Variants in TP53I3 observed in about 807,000 individuals in gnomAD.
TP53I3 encodes quinone oxidoreductase PIG3.
Under a neutral mutation model 27.7 loss-of-function variants are expected in TP53I3, and 32 were observed. The observed-to-expected ratio is 1.16, with a 90% CI of 0.87 to 1.55. TP53I3 has a LOEUF of 1.55. Ranked by LOEUF, TP53I3 falls within the 40% of genes most tolerant of loss-of-function variation. The pLI, the probability that TP53I3 is intolerant of heterozygous loss-of-function variation, is 0.00. For synonymous variants in TP53I3, 138 were observed against 167.8 expected (o/e 0.82, Z 1.37); for missense variants, 372 against 412.3 (o/e 0.90, Z 0.85).
At position 24,080,884 on chromosome 2, in the gene TP53I3, C is replaced by T. The variant is rs1664970707; in HGVS notation, c.554G>A (p.Gly185Glu). 2.5e-6 allele frequency: 4 copies of T among 1,614,192 alleles called. No homozygotes were observed. The highest frequency in any genetic ancestry group is 3.4e-6 in the Non-Finnish European group (4 of 1,180,048). Reference sequence around the variant, plus strand: ...TTTGTAATTGAATCCAGCAGCTGCTCCAAGCTTTTCTGCCATTTGAAGCTT... The same window carrying T: ...TTTGTAATTGAATCCAGCAGCTGCTTCAAGCTTTTCTGCCATTTGAAGCTT... ...QKKLQMAEKL[G>E]AAAGFNYKKE... The change falls in exon 3 of 5, where the codon GGA becomes GAA. Residue 185 changes from glycine to glutamate, a missense_variant. By Grantham distance (98) the Gly-to-Glu change is moderately conservative. Transcript: ENST00000238721. The surrounding 1 kb of genome is among the most constrained non-coding windows in gnomAD (Gnocchi z 4.7).
In TP53I3 at chr2:24,084,380, GCAGGACAGGA is replaced by G. The variant is rs201306834; in HGVS notation, c.-64_-55del. 3.5e-6 allele frequency: 4 copies of G among 1,158,270 alleles called. No individual in the cohort carries two copies. The highest frequency in any genetic ancestry group is 4.8e-6 in the Non-Finnish European group (4 of 831,696). 71.7% of individuals were successfully genotyped at this position (1,158,270 alleles called of 1,614,324 possible). On this transcript the variant is annotated 5_prime_UTR_variant, in exon 1 of 5. Transcript: ENST00000238721. This position sits in a 1 kb window ranked among gnomAD's most constrained non-coding sequence, Gnocchi z 8.4. ...GCAGGACAGGACAGGGCAGGGCAGG[GCAGGACAGGA>G]CAGGGCAGGGCAGGACAGGACAGGG...
rs1301467449 is a variant in TP53I3 at position 24,082,870 on chromosome 2, T to A, written c.406+15A>T. The A allele has an allele frequency of 6.3e-7, 1 of 1,593,956 alleles. No homozygotes were observed. Among genetic ancestry groups the A allele is most frequent in the African/African-American group, 1.3e-5 (1 of 74,576 alleles). On this transcript the variant is annotated intron_variant, in intron 2 of 4. Coordinates refer to ENST00000238721, the MANE Select transcript of TP53I3 (RefSeq NM_004881.5). The stretch of plus-strand genomic sequence containing the variant: ...TGAGCCACATTGTGTGGAGTGAGCA[T>A]GGAGGCCTCCTCACCCACAAGATGT...
In TP53I3 at chr2:24,084,133, G is replaced by A; in HGVS notation, c.138+56C>T. 6.4e-7 allele frequency: 1 copy of A among 1,564,896 alleles called. No homozygotes were observed. Among genetic ancestry groups the A allele is most frequent in the Non-Finnish European group, 8.6e-7 (1 of 1,160,038 alleles). ...GTCTGGTCAATGTCCACTGAGTGCT[G>A]TTGAGAGGGAGGCTCTGGAGTCCCG... is the stretch of plus-strand genomic sequence containing the variant. On this transcript the variant is annotated intron_variant, in intron 1 of 4. Coordinates refer to ENST00000238721, the MANE Select transcript of TP53I3 (RefSeq NM_004881.5). This position sits in a 1 kb window ranked among gnomAD's most constrained non-coding sequence, Gnocchi z 8.4.
In TP53I3 at chr2:24,084,401, C is replaced by T; in HGVS notation, c.-75G>A. 1 of 1,449,276 alleles carries T rather than the reference C, an allele frequency of 6.9e-7. No individual in the cohort carries two copies. Among genetic ancestry groups the T allele is most frequent in the East Asian group, 2.5e-5 (1 of 39,502 alleles). The allele number at this position is 1,449,276 out of a possible 1,614,324, so 89.8% of individuals were successfully genotyped here. On this transcript the variant is annotated 5_prime_UTR_variant, in exon 1 of 5. Transcript: ENST00000238721. The surrounding 1 kb of genome is among the most constrained non-coding windows in gnomAD (Gnocchi z 8.4). ...CAGGGCAGGACAGGACAGGGCAGGGCAGGACAGGACAGGGCAGGGGCCGCT... is the reference window on the plus strand; with the variant it reads ...CAGGGCAGGACAGGACAGGGCAGGGTAGGACAGGACAGGGCAGGGGCCGCT...
In TP53I3 at chr2:24,084,394, G is replaced by GGCAGGGCAGGACAGGACAGT; in HGVS notation, c.-69_-68insACTGTCCTGTCCTGCCCTGC. On this transcript the variant is annotated 5_prime_UTR_variant, in exon 1 of 5. Coordinates refer to ENST00000238721, the MANE Select transcript of TP53I3 (RefSeq NM_004881.5). The surrounding 1 kb of genome is among the most constrained non-coding windows in gnomAD (Gnocchi z 8.4). ...GGCAGGGCAGGGCAGGACAGGACAG[G>GGCAGGGCAGGACAGGACAGT]GCAGGGCAGGACAGGACAGGGCAGG... 6.6e-7 allele frequency: 1 copy of GGCAGGGCAGGACAGGACAGT among 1,514,330 alleles called. No individual in the cohort carries two copies. Among genetic ancestry groups the GGCAGGGCAGGACAGGACAGT allele is most frequent in the Non-Finnish European group, 8.9e-7 (1 of 1,124,446 alleles). 93.8% of individuals were successfully genotyped at this position (1,514,330 alleles called of 1,614,324 possible). A position where few individuals can be genotyped will look rare whatever the true frequency, so the allele number is the denominator to read the frequency against.
At position 24,081,000 on chromosome 2, in the gene TP53I3, G is replaced by A; in HGVS notation, c.438C>T (p.Ile146=). The change falls in exon 3 of 5, where the codon ATC becomes ATT. Residue 146 remains isoleucine, a synonymous_variant. Transcript: ENST00000238721. This position sits in a 1 kb window ranked among gnomAD's most constrained non-coding sequence, Gnocchi z 4.7. ...TGCCCACACCACTCAGTCCTGCATGGATTAGCACATAGTCTCCAGCCTGAA... is the reference window on the plus strand; with the variant it reads ...TGCCCACACCACTCAGTCCTGCATGAATTAGCACATAGTCTCCAGCCTGAA... ...GNVQAGDYVL[I]HAGLSGVGTA... 1 of 1,614,084 alleles carries A rather than the reference G, an allele frequency of 6.2e-7. No homozygotes were observed. Among genetic ancestry groups the A allele is most frequent in the Non-Finnish European group, 8.5e-7 (1 of 1,179,990 alleles).
chr2:24,077,586 G>C lies in TP53I3; in HGVS notation c.992C>G (p.Pro331Arg). 1 of 1,613,624 alleles carries C rather than the reference G, an allele frequency of 6.2e-7. No homozygotes were observed. The change falls in exon 5 of 5, where the codon CCC becomes CGC. Residue 331 changes from proline (P) to arginine (R), a missense_variant. Transcript: ENST00000238721. The surrounding 1 kb of genome is among the most constrained non-coding windows in gnomAD (Gnocchi z 5.5). ...GTCCTGCCCCATCCTCCTTCACTGG[G>C]GCAGTTCCAGGACGATCTTGCCTAT... ...KNIGKIVLEL[P>R]Q
At position 24,084,670 on chromosome 2, in the gene TP53I3, C is replaced by A. The variant is rs1488149068; in HGVS notation, c.-344G>T. The A allele has an allele frequency of 4.7e-6, 1 of 213,484 alleles. No individual in the cohort carries two copies. Among genetic ancestry groups the A allele is most frequent in the Non-Finnish European group, 9.2e-6 (1 of 108,304 alleles). The allele number at this position is 213,484 out of a possible 1,614,324, so 13.2% of individuals were successfully genotyped here. A position where few individuals can be genotyped will look rare whatever the true frequency, so the allele number is the denominator to read the frequency against. Reference sequence around the variant, plus strand: ...CGAAGAGGATCAGGCAAATCACACTCCCTCTGAGTTGGAAGCCCCCAGCCC... The same window carrying A: ...CGAAGAGGATCAGGCAAATCACACTACCTCTGAGTTGGAAGCCCCCAGCCC... On this transcript the variant is annotated 5_prime_UTR_variant, in exon 1 of 5. Coordinates refer to ENST00000238721, the MANE Select transcript of TP53I3 (RefSeq NM_004881.5). This position sits in a 1 kb window ranked among gnomAD's most constrained non-coding sequence, Gnocchi z 8.4.
chr2:24,082,753 G>A lies in TP53I3; in HGVS notation c.406+132C>T, dbSNP rs1665061384. The A allele has an allele frequency of 3.1e-6, 4 of 1,271,536 alleles. No individual in the cohort carries two copies. In the South Asian group the frequency reaches 4.7e-5, roughly 15 times the overall value. The allele number at this position is 1,271,536 out of a possible 1,614,324, so 78.8% of individuals were successfully genotyped here. A position where few individuals can be genotyped will look rare whatever the true frequency, so the allele number is the denominator to read the frequency against. ...CTCAACATTAAACCCTTCTAACATG[G>A]TTTGAGGACCTGACAATACAGGTGA... On this transcript the variant is annotated intron_variant, in intron 2 of 4. Coordinates refer to ENST00000238721, the MANE Select transcript of TP53I3 (RefSeq NM_004881.5).
At position 24,081,014 on chromosome 2, in the gene TP53I3, C is replaced by T; in HGVS notation, c.424G>A (p.Asp142Asn). 1.2e-6 allele frequency: 2 copies of T among 1,613,502 alleles called. No homozygotes were observed. Among genetic ancestry groups the T allele is most frequent in the Non-Finnish European group, 1.7e-6 (2 of 1,179,596 alleles). Residue 142 changes from aspartate to asparagine, a missense_variant, in exon 3 of 5, where the codon GAC (aspartate) becomes AAC (asparagine). Asp to Asn is a conservative substitution (Grantham distance 23). Transcript: ENST00000238721. ...LHLVGNVQAG[D>N]YVLIHAGLSG... The stretch of plus-strand genomic sequence containing the variant: ...AGTCCTGCATGGATTAGCACATAGT[C>T]TCCAGCCTGAACATTTCCTGTGACA...
Position 24,079,577 on chromosome 2 carries a change from C to A in TP53I3, c.683G>T (p.Cys228Phe), listed in dbSNP as rs1664910516. 6.2e-7 allele frequency: 1 copy of A among 1,614,058 alleles called. No individual in the cohort carries two copies. The highest frequency in any genetic ancestry group is 1.1e-5 in the South Asian group (1 of 91,088). Reference protein sequence around the residue: ...GGSYWEKNVNCLALDGRWVLY... With the variant: ...GGSYWEKNVNFLALDGRWVLY... ...AACCCATCGACCATCAAGAGCCAGGCAGTTGACGTTCTTCTCCCAGTAGGA... is the reference window on the plus strand; with the variant it reads ...AACCCATCGACCATCAAGAGCCAGGAAGTTGACGTTCTTCTCCCAGTAGGA... Residue 228 changes from cysteine (C) to phenylalanine (F), a missense_variant, in exon 4 of 5, where the codon TGC becomes TTC. By Grantham distance (205) the Cys-to-Phe change is radical. Transcript: ENST00000238721.
rs755835447 is a variant in TP53I3 at position 24,084,340 on chromosome 2, A to ACAGGG, written c.-19_-15dup. ...CACGGCTAACATATTGTCTGAGGAC[A>ACAGGG]CAGGGCAGGGCAGGGCAGGACAGGA... On this transcript the variant is annotated 5_prime_UTR_variant, in exon 1 of 5. Transcript: ENST00000238721. This position sits in a 1 kb window ranked among gnomAD's most constrained non-coding sequence, Gnocchi z 8.4. The ACAGGG allele has an allele frequency of 8.9e-5, 132 of 1,476,426 alleles. No homozygotes were observed. The African/African-American group carries it at 1.4e-3, about 15-fold the overall frequency. 91.5% of individuals were successfully genotyped at this position (1,476,426 alleles called of 1,614,324 possible). A position where few individuals can be genotyped will look rare whatever the true frequency, so the allele number is the denominator to read the frequency against.
At position 24,079,593 on chromosome 2, in the gene TP53I3, C is replaced by T. The variant is rs35176319; in HGVS notation, c.667G>A (p.Glu223Lys). 3.8e-4 allele frequency: 620 copies of T among 1,614,136 alleles called. 3 individuals are homozygous for T. In the African/African-American group the frequency reaches 6.7e-3, roughly 18 times the overall value. ...AGAGCCAGGCAGTTGACGTTCTTCTCCCAGTAGGATCCGCCTATGCAGTCT... is the reference window on the plus strand; with the variant it reads ...AGAGCCAGGCAGTTGACGTTCTTCTTCCAGTAGGATCCGCCTATGCAGTCT... The part of the protein sequence containing the change: ...ILDCIGGSYW[E>K]KNVNCLALDG... The change falls in exon 4 of 5, where the codon GAG (glutamate) becomes AAG (lysine). Residue 223 changes from glutamate (E) to lysine (K), a missense_variant. Transcript: ENST00000238721.
intron 2 of TP53I3, 46 bp downstream of exon 2, chr2:24,082,836 TGAA>T (rs891206067): frequency 6.5e-7 from 1 of 1,539,212 alleles, no homozygotes; most frequent in Non-Finnish European, 8.8e-7. Flanking sequence ...GGCTGATTTA[TGAA>T]GGTGTTGAGC....
chr2:24,080,611 C>A lies in TP53I3; in HGVS notation c.619+208G>T, dbSNP rs1414662715. 1 of 624,980 alleles carries A rather than the reference C, an allele frequency of 1.6e-6. No homozygotes were observed. The highest frequency in any genetic ancestry group is 1.8e-5 in the African/African-American group (1 of 54,362). The allele number at this position is 624,980 out of a possible 1,614,324, so 38.7% of individuals were successfully genotyped here. A position where few individuals can be genotyped will look rare whatever the true frequency, so the allele number is the denominator to read the frequency against. ...AAGTGTGGATGAATCTTATCTCTTGCAAGAATGCACATGGAAACCATCTTA... is the reference window on the plus strand; with the variant it reads ...AAGTGTGGATGAATCTTATCTCTTGAAAGAATGCACATGGAAACCATCTTA... On this transcript the variant is annotated intron_variant, in intron 3 of 4. Coordinates refer to ENST00000238721, the MANE Select transcript of TP53I3 (RefSeq NM_004881.5). This position sits in a 1 kb window ranked among gnomAD's most constrained non-coding sequence, Gnocchi z 4.7.
chr2:24,080,795 T>C lies in TP53I3; in HGVS notation c.619+24A>G, dbSNP rs765163231. 1.2e-6 allele frequency: 2 copies of C among 1,613,314 alleles called. No homozygotes were observed. Among genetic ancestry groups the C allele is most frequent in the South Asian group, 1.1e-5 (1 of 91,056 alleles). On this transcript the variant is annotated intron_variant, in intron 3 of 4. Transcript: ENST00000238721. This position sits in a 1 kb window ranked among gnomAD's most constrained non-coding sequence, Gnocchi z 4.7. ...ATTTAATCATCTCTTAAATTCCTGC[T>C]GAACTGTAGAAGCAGTTGTTTACCT... is the stretch of plus-strand genomic sequence containing the variant.
At position 24,084,445 on chromosome 2, in the gene TP53I3, C is replaced by G. The variant is rs1462716089; in HGVS notation, c.-119G>C. On this transcript the variant is annotated 5_prime_UTR_variant, in exon 1 of 5. Transcript: ENST00000238721. This position sits in a 1 kb window ranked among gnomAD's most constrained non-coding sequence, Gnocchi z 8.4. ...GGCCGCTGTATCCTCGCGGAGCAGC[C>G]CAGCCTCAGGCTGGCACCGCAGCGC... 1 of 1,303,748 alleles carries G rather than the reference C, an allele frequency of 7.7e-7. No individual in the cohort carries two copies. Among genetic ancestry groups the G allele is most frequent in the Admixed American group, 3.1e-5 (1 of 32,748 alleles). The allele number at this position is 1,303,748 out of a possible 1,614,324, so 80.8% of individuals were successfully genotyped here.
In TP53I3 at chr2:24,079,473, T is replaced by C; in HGVS notation, c.787A>G (p.Thr263Ala). The change falls in exon 4 of 5, where the codon ACC becomes GCC. Residue 263 changes from threonine to alanine, a missense_variant. Coordinates refer to ENST00000238721, the MANE Select transcript of TP53I3 (RefSeq NM_004881.5). ...TTGTCCCTAGACCTCAGCAAACTGG[T>C]GATCAGACTTCCTCGCTTAAAAAGT... ...KLLFKRGSLI[T>A]SLLRSRDNKY... is the part of the protein sequence containing the mutation. 1.9e-6 allele frequency: 3 copies of C among 1,614,220 alleles called. No homozygotes were observed. Among genetic ancestry groups the C allele is most frequent in the Non-Finnish European group, 2.5e-6 (3 of 1,180,042 alleles).
In TP53I3 at chr2:24,080,064, T is replaced by TA. The variant is rs1400472048; in HGVS notation, c.620-425dup. ...TTTCATCTCTCCTTTTCTACTCACA[T>TA]AAAAAATGGAGGCCAGGCATGGTGG... On this transcript the variant is annotated intron_variant, in intron 3 of 4. Coordinates refer to ENST00000238721, the MANE Select transcript of TP53I3 (RefSeq NM_004881.5). This position sits in a 1 kb window ranked among gnomAD's most constrained non-coding sequence, Gnocchi z 4.7. Among the ~76,000 whole-genome samples, 2 of 151,994 alleles carry TA rather than the reference T, an allele frequency of 1.3e-5. No individual in the cohort carries two copies. Among genetic ancestry groups the TA allele is most frequent in the African/African-American group, 4.8e-5 (2 of 41,394 alleles).
Sources: allele counts gnomAD v4.1 joint callset (sites outside exome capture counted in the v4.1 genomes callset), GRCh38; gene constraint gnomAD v4.1.1; non-coding constraint Gnocchi (gnomAD v3.1); transcripts MANE v1.5; gene names NCBI Gene and HGNC (gene_info 2026-07-23, HGNC 2026-07-21).